VWA8: variants seen among roughly 807,000 people sequenced by gnomAD.
The protein encoded by VWA8 is von Willebrand factor A domain containing 8.
Under a neutral mutation model 241.5 loss-of-function variants are expected in VWA8, and 221 were observed. The ratio of observed to expected loss-of-function variants is 0.91; its 90% CI spans 0.82 to 1.02. The LOEUF (loss-of-function observed/expected upper bound fraction) is 1.02. Among genes scored for constraint, VWA8 ranks in the 50% least tolerant of loss-of-function variants. VWA8 has a pLI of 0.00. For synonymous variants in VWA8, 852 were observed against 827.1 expected (o/e 1.03, Z -0.52); for missense variants, 2,322 against 2,328.7 (o/e 1.00, Z 0.06).
At chr13:41,929,241 A>C (rs563865326) in intron 2 of VWA8, among the ~76,000 whole-genome samples, 124 of 149,104 alleles carry the variant, frequency 8.3e-4, no homozygotes, top group African/African-American at 2.9e-3. Flanking sequence ...CTGCAGTCTC[A>C]ACCTCCCAGG....
chr13:41,615,166 C>A, intron 37 of VWA8, 82 bp from the exon 38 acceptor site: 1 of 1,404,626 alleles, frequency 7.1e-7, no homozygotes, highest in South Asian at 1.3e-5. Flanking sequence ...ATTATTTTCT[C>A]CTAAGTCCTT....
rs542800368 is a variant in VWA8, at chr13:41,959,790, G to C, written c.163+1063C>G. ...CTAATTTTTCTGTATTTTCTTTTTA[G>C]TAGACACGGGGGTTTCACCGTGTTA... On this transcript the variant is annotated intron_variant, in intron 1 of 44. Transcript: ENST00000379310. Among the ~76,000 whole-genome samples the C allele has an allele frequency of 3.9e-4, 59 of 151,414 alleles. 1 individual carries two copies. The South Asian group carries it at 0.012, about 32-fold the overall frequency.
chr13:41,598,471 C>T (rs1428536473), intron 40 of VWA8, among the ~76,000 whole-genome samples: 2 of 152,044 alleles, frequency 1.3e-5, no homozygotes, highest in Non-Finnish European at 2.9e-5. Flanking sequence ...TTGTGTTGAA[C>T]TGCTTCTAAT....
chr13:41,586,393 G>C (rs898632470), intron 42 of VWA8, among the ~76,000 whole-genome samples: 1 of 152,146 alleles, frequency 6.6e-6, no homozygotes, highest in Non-Finnish European at 1.5e-5. Flanking sequence ...GGGAAACAAA[G>C]CTACTCCCCA....
At chr13:41,661,498 A>T (rs538500964) in intron 37 of VWA8, among the ~76,000 whole-genome samples, 46 of 152,272 alleles carry the variant, frequency 3.0e-4, no homozygotes, top group African/African-American at 1.1e-3. Context: ...TGGGCAAGTT[A>T]TGTAACCTCT....
chr13:41,615,529 T>G (rs2044615574), intron 37 of VWA8, among the ~76,000 whole-genome samples: 1 of 152,212 alleles, frequency 6.6e-6, no homozygotes, highest in Non-Finnish European at 1.5e-5. Flanking sequence ...CCCATTACTC[T>G]GAGAGATGCC....
chr13:41,870,566 G>A (rs1873545327), intron 9 of VWA8, among the ~76,000 whole-genome samples: 1 of 149,546 alleles, frequency 6.7e-6, no homozygotes, highest in African/African-American at 2.5e-5. Context: ...TTGAACCCAG[G>A]AAGAGGAGGT....
intron 12 of VWA8, among the ~76,000 whole-genome samples, chr13:41,853,782 T>C (rs1164685559): frequency 6.6e-6 from 1 of 152,156 alleles, no homozygotes; most frequent in Admixed American, 6.5e-5. Flanking sequence ...TTTTATCTTT[T>C]CAAAAAAATC....
At chr13:41,703,904 G>A (rs569223517) in intron 26 of VWA8, among the ~76,000 whole-genome samples, 1 of 151,266 alleles carries the variant, frequency 6.6e-6, no homozygotes, top group Admixed American at 6.6e-5. Context: ...TAGCCTTCCT[G>A]AGTAGCTGGG....
intron 17 of VWA8, among the ~76,000 whole-genome samples, chr13:41,789,681 G>C (rs1434187771): frequency 6.6e-6 from 1 of 152,150 alleles, no homozygotes; most frequent in Non-Finnish European, 1.5e-5. Flanking sequence ...AAAGAAGTCT[G>C]TTAAGGGTCG....
chr13:41,916,042 C>T (rs1014866728), intron 2 of VWA8, among the ~76,000 whole-genome samples: 1 of 152,160 alleles, frequency 6.6e-6, no homozygotes, highest in Non-Finnish European at 1.5e-5. Flanking sequence ...TCCAACTCTA[C>T]TATTTACTAG....
At chr13:41,871,421 C>G (rs555619563) in intron 9 of VWA8, among the ~76,000 whole-genome samples, 1 of 152,238 alleles carries the variant, frequency 6.6e-6, no homozygotes, top group Non-Finnish European at 1.5e-5. Context: ...CGTCATCTAG[C>G]ATTAGGTATA....
Position 41,747,666 on chromosome 13 carries a change from T to C in VWA8, c.2426+13462A>G, listed in dbSNP as rs987765864. ...TAGGAGTGGTGAGAGAGGGCATCCCTGTCTTGTGCCATTTTCAAAGGGAAT... is the reference window on the plus strand; with the variant it reads ...TAGGAGTGGTGAGAGAGGGCATCCCCGTCTTGTGCCATTTTCAAAGGGAAT... On this transcript the variant is annotated intron_variant, in intron 21 of 44. Coordinates refer to ENST00000379310, the MANE Select transcript of VWA8 (RefSeq NM_015058.2). 2.6e-4 allele frequency among the ~76,000 whole-genome samples: 23 copies of C among 88,682 alleles called. No individual in the cohort carries two copies. In the South Asian group the frequency reaches 3.2e-3, roughly 12 times the overall value. The allele number at this position is 88,682 out of a possible 152,430, so 58.2% of individuals were successfully genotyped here.
intron 43 of VWA8, among the ~76,000 whole-genome samples, chr13:41,575,436 C>T (rs940934046): frequency 2.7e-4 from 41 of 152,132 alleles, no homozygotes; most frequent in African/African-American, 9.9e-4. Flanking sequence ...AGGGGTCATT[C>T]TTTTCCTTCT....
chr13:41,681,816 G>T (rs1212373099), intron 35 of VWA8, among the ~76,000 whole-genome samples: 1 of 152,122 alleles, frequency 6.6e-6, no homozygotes. Context: ...GACCTTCTGA[G>T]GAAGTGACAT....
At chr13:41,777,630 C>T (rs1447115502) in intron 20 of VWA8, among the ~76,000 whole-genome samples, 1 of 152,120 alleles carries the variant, frequency 6.6e-6, no homozygotes, top group Non-Finnish European at 1.5e-5. Flanking sequence ...ACAACAGATA[C>T]TACAGAATGG....
chr13:41,851,569 T>C (rs1051805514), intron 12 of VWA8, among the ~76,000 whole-genome samples: 2 of 152,320 alleles, frequency 1.3e-5, no homozygotes, highest in South Asian at 2.1e-4. Context: ...TAAGATCTGA[T>C]GGATTTATCA....
chr13:41,577,293 G>A (rs1274344521), intron 42 of VWA8, among the ~76,000 whole-genome samples: 1 of 152,078 alleles, frequency 6.6e-6, no homozygotes, highest in Non-Finnish European at 1.5e-5. Flanking sequence ...AATAGCGAAG[G>A]AAATTTATCA....
chr13:41,794,161 T>C (rs540257687), intron 17 of VWA8, among the ~76,000 whole-genome samples: 1 of 152,266 alleles, frequency 6.6e-6, no homozygotes, highest in South Asian at 2.1e-4. Flanking sequence ...TAGTTTTTCC[T>C]AATTCTGTGA....
Sources: gnomAD v4.1 joint callset for allele counts (sites outside exome capture counted in the v4.1 genomes callset) on GRCh38, gnomAD v4.1.1 for gene constraint, MANE v1.5 for transcripts, NCBI Gene and HGNC (gene_info 2026-07-23, HGNC 2026-07-21) for gene names.